Variants in TIAM2 observed in about 807,000 individuals in gnomAD.
TIAM2 encodes rho guanine nucleotide exchange factor TIAM2.
A neutral mutation model predicts 152.9 loss-of-function variants in TIAM2; 80 were observed. The ratio of observed to expected loss-of-function variants is 0.52; its 90% CI spans 0.44 to 0.63. The LOEUF (loss-of-function observed/expected upper bound fraction) is 0.63, where lower values mean the gene tolerates loss of function less well. Among genes scored for constraint, TIAM2 ranks in the 30% least tolerant of loss-of-function variants. The probability of loss-of-function intolerance (pLI) is 0.00; values close to 1 mark genes in which losing one functional copy is unlikely to be tolerated. For synonymous variants in TIAM2, 804 were observed against 838.0 expected (o/e 0.96, Z 0.70); for missense variants, 1,965 against 2,120.1 (o/e 0.93, Z 1.44).
At chr6:155,069,521 C>T (rs1294106489) in intron 1 of TIAM2, among the ~76,000 whole-genome samples, 1 of 152,112 alleles carries the variant, frequency 6.6e-6, no homozygotes, top group Non-Finnish European at 1.5e-5. Context: ...AAGCAGCATA[C>T]ATTTGCATGT....
At chr6:155,092,063 A>T (rs1274683753) in intron 2 of TIAM2, among the ~76,000 whole-genome samples, 4 of 150,144 alleles carry the variant, frequency 2.7e-5, no homozygotes, top group Non-Finnish European at 5.9e-5. Context: ...GGGCCCGGCT[A>T]GTTTTTTTTA....
chr6:155,137,066 G>T, intron 4 of TIAM2, 111 bp from the exon 5 acceptor site: 1 of 1,141,844 alleles, frequency 8.8e-7, no homozygotes, highest in East Asian at 2.5e-5. Flanking sequence ...CAAGAATCTT[G>T]CTTTGCATTA....
At position 155,254,041 on chromosome 6, in the gene TIAM2, A is replaced by G. The variant is rs776956483; in HGVS notation, c.4294A>G (p.Ile1432Val). 3 of 1,614,156 alleles carry G rather than the reference A, an allele frequency of 1.9e-6. No individual in the cohort carries two copies. The highest frequency in any genetic ancestry group is 1.7e-6 in the Non-Finnish European group (2 of 1,180,000). Residue 1432 changes from isoleucine (I) to valine (V), a missense_variant, in exon 25 of 27, where the codon ATC becomes GTC. Coordinates refer to ENST00000682666, the MANE Select transcript of TIAM2 (RefSeq NM_012454.4). ...AGAAATAGAAGGACGGCCAGAAACC[A>G]TCTTTCAGTTGTGTTGCAGGTATGA... ...KSEIEGRPET[I>V]FQLCCSDSES...
chr6:155,070,491 A>G (rs1777816739), intron 1 of TIAM2, among the ~76,000 whole-genome samples: 1 of 151,688 alleles, frequency 6.6e-6, no homozygotes, highest in Admixed American at 6.6e-5. Flanking sequence ...GGCTGGGATT[A>G]CAGGCATGAG....
chr6:155,161,714 T>G (rs1780275686), intron 7 of TIAM2, among the ~76,000 whole-genome samples: 1 of 150,342 alleles, frequency 6.7e-6, no homozygotes, highest in South Asian at 2.1e-4. Flanking sequence ...ATTACAGGCG[T>G]GTGCCACCAC....
intron 1 of TIAM2, among the ~76,000 whole-genome samples, chr6:155,028,590 A>AAT (rs1180353462): frequency 3.0e-5 from 4 of 134,598 alleles, no homozygotes; most frequent in East Asian, 2.1e-4. Context: ...TACTACATAT[A>AAT]ATATATATAC....
chr6:155,239,135 A>G (rs1297749099), intron 15 of TIAM2, among the ~76,000 whole-genome samples: 2 of 152,208 alleles, frequency 1.3e-5, no homozygotes, highest in Non-Finnish European at 2.9e-5. Flanking sequence ...GAATTATGTG[A>G]ATATTAAGAG....
chr6:155,254,872 C>A, intron 26 of TIAM2: 1 of 294,450 alleles, frequency 3.4e-6, no homozygotes, highest in East Asian at 5.7e-5. Flanking sequence ...CTGCTGTATT[C>A]CCAGTGCTCA....
chr6:155,144,612 C>T lies in TIAM2; in HGVS notation c.1637C>T (p.Thr546Met), dbSNP rs763642897. ...TTGCTTCTCTGTTTCACAGGATGCA[C>T]GCTGCTGTTTTATGAGACCTATGGG... ...KQYWVTLKGC[T>M]LLFYETYGKN... Residue 546 changes from threonine (T) to methionine (M), a missense_variant, in exon 6 of 27, where the codon ACG becomes ATG. By Grantham distance (81) the Thr-to-Met change is moderately conservative (BLOSUM62 -1). Transcript: ENST00000682666. The T allele has an allele frequency of 3.2e-5, 49 of 1,531,352 alleles. No individual in the cohort carries two copies. The highest frequency in any genetic ancestry group is 3.9e-5 in the South Asian group (3 of 76,214). The allele number at this position is 1,531,352 out of a possible 1,614,324, so 94.9% of individuals were successfully genotyped here. A position where few individuals can be genotyped will look rare whatever the true frequency, so the allele number is the denominator to read the frequency against.
chr6:155,240,760 G>A, intron 16 of TIAM2, 51 bp downstream of exon 16: 2 of 1,558,802 alleles, frequency 1.3e-6, no homozygotes, highest in South Asian at 2.4e-5. Flanking sequence ...ATGATGGCAA[G>A]TGGTATGCTG....
At chr6:155,083,851 G>T (rs955396136) in intron 1 of TIAM2, among the ~76,000 whole-genome samples, 3 of 152,236 alleles carry the variant, frequency 2.0e-5, no homozygotes, top group Admixed American at 6.5e-5. Context: ...TGTGGCAACA[G>T]ATGACATACG....
At position 155,256,533 on chromosome 6, in the gene TIAM2, G is replaced by C. The variant is rs1784041966; in HGVS notation, c.4518G>C (p.Trp1506Cys). The change falls in exon 27 of 27, where the codon TGG becomes TGC. Residue 1506 changes from tryptophan to cysteine, a missense_variant. This residue lies in a region of TIAM2 where 935 missense variants were observed against 980.0 expected (regional missense o/e 0.95). Transcript: ENST00000682666. ...TGAAGAATTCCTCCAGCAACGAGTGGACCGGTGAGACTGGCAAGGGAACCT... is the reference window on the plus strand; with the variant it reads ...TGAAGAATTCCTCCAGCAACGAGTGCACCGGTGAGACTGGCAAGGGAACCT... ...KVLKNSSSNE[W>C]TGETGKGTLL... 2 of 1,614,056 alleles carry C rather than the reference G, an allele frequency of 1.2e-6. No homozygotes were observed. The highest frequency in any genetic ancestry group is 1.7e-6 in the Non-Finnish European group (2 of 1,180,042).
intron 1 of TIAM2, among the ~76,000 whole-genome samples, chr6:155,051,663 A>T (rs1348547701): frequency 1.3e-5 from 2 of 151,042 alleles, no homozygotes; most frequent in African/African-American, 2.4e-5. Context: ...TTTTTTTTTG[A>T]GATGGAGTTT....
rs966270430 is a variant in TIAM2 at position 155,213,148 on chromosome 6, T to G, written c.3168+1841T>G. On this transcript the variant is annotated intron_variant, in intron 15 of 26. Coordinates refer to ENST00000682666, the MANE Select transcript of TIAM2 (RefSeq NM_012454.4). The surrounding 1 kb of genome is among the most constrained non-coding windows in gnomAD (Gnocchi z 4.2). ...GGGGCGTGTTTTGGCCCTGTTTGTG[T>G]TGTAGCTCTTTCAGCCCTGCCGTTA... Among the ~76,000 whole-genome samples the G allele has an allele frequency of 2.0e-5, 3 of 152,288 alleles. No homozygotes were observed. The highest frequency in any genetic ancestry group is 4.1e-4 in the South Asian group (2 of 4,828).
chr6:155,145,638 G>A (rs1484173226), intron 6 of TIAM2, among the ~76,000 whole-genome samples: 1 of 152,186 alleles, frequency 6.6e-6, no homozygotes, highest in Non-Finnish European at 1.5e-5. Flanking sequence ...CATACACACA[G>A]TGTTGGCCGT....
intron 6 of TIAM2, among the ~76,000 whole-genome samples, chr6:155,146,995 C>G (rs1023912300): frequency 6.6e-6 from 1 of 151,870 alleles, no homozygotes; most frequent in African/African-American, 2.4e-5. Flanking sequence ...ACTCAAAAGT[C>G]CTGGGATTAC....
At chr6:155,150,973 C>T (rs1434217029) in intron 7 of TIAM2, among the ~76,000 whole-genome samples, 1 of 152,122 alleles carries the variant, frequency 6.6e-6, no homozygotes, top group Admixed American at 6.5e-5. Flanking sequence ...GTATTTTATC[C>T]CCATTCACGC....
At position 155,045,974 on chromosome 6, in the gene TIAM2, AG is replaced by A. The variant is rs1284308484; in HGVS notation, c.-208-44311del. On this transcript the variant is annotated intron_variant, in intron 1 of 26. Coordinates refer to ENST00000682666, the MANE Select transcript of TIAM2 (RefSeq NM_012454.4). ...AGAGGAGGGGCGGGCGGGAGGTAGCAGGGGAGAGCATTGCAGGGCAGGGCTC... is the reference window on the plus strand; with the variant it reads ...AGAGGAGGGGCGGGCGGGAGGTAGCAGGGAGAGCATTGCAGGGCAGGGCTC... 4.0e-5 allele frequency among the ~76,000 whole-genome samples: 6 copies of A among 151,058 alleles called. No individual in the cohort carries two copies. In the Admixed American group the frequency reaches 4.0e-4, roughly 10 times the overall value.
At chr6:155,054,351 C>A (rs1777391406) in intron 1 of TIAM2, among the ~76,000 whole-genome samples, 1 of 152,086 alleles carries the variant, frequency 6.6e-6, no homozygotes, top group African/African-American at 2.4e-5. Flanking sequence ...ATGATGGCGT[C>A]CAATGAAGCC....
Sources: gnomAD v4.1 joint callset for allele counts (sites outside exome capture counted in the v4.1 genomes callset) on GRCh38, gnomAD v4.1.1 for gene constraint, gnomAD v4.1.1 regional missense constraint, Gnocchi (gnomAD v3.1) non-coding constraint, MANE v1.5 for transcripts, NCBI Gene and HGNC (gene_info 2026-07-23, HGNC 2026-07-21) for gene names.